The following CSMD2 variants were observed in gnomAD, a reference collection of about 807,000 sequenced individuals.
CSMD2 encodes CUB and Sushi multiple domains 2.
Under a neutral mutation model 398.5 loss-of-function variants are expected in CSMD2, and 130 were observed. The ratio of observed to expected loss-of-function variants is 0.33; its 90% CI spans 0.28 to 0.38. The LOEUF is 0.38. Among genes scored for constraint, CSMD2 ranks in the 10% least tolerant of loss-of-function variants. The probability of loss-of-function intolerance (pLI) is 1.00; values close to 1 mark genes in which losing one functional copy is unlikely to be tolerated. For synonymous variants in CSMD2, 1,828 were observed against 1,908.5 expected, an observed-to-expected ratio of 0.96 and a Z score of 1.10; for missense variants, 3,829 against 4,764.9, an observed-to-expected ratio of 0.80 and a Z score of 5.78.
intron 13 of CSMD2, among the ~76,000 whole-genome samples, chr1:33,756,421 G>A (rs1432196078): frequency 6.6e-6 from 1 of 152,146 alleles, no homozygotes; most frequent in Non-Finnish European, 1.5e-5. Context: ...ATTCTAAGAG[G>A]TGACGAAAAA....
chr1:33,537,410 G>T lies in CSMD2; in HGVS notation c.9805+26C>A, dbSNP rs774046522. The stretch of plus-strand genomic sequence containing the variant: ...GGTCTCCCGCAACCCCAGCCAAGAC[G>T]CTCCCTGCTCCAGATGACCTCTCAC... On this transcript the variant is annotated intron_variant, in intron 61 of 70. Transcript: ENST00000373381. This position sits in a 1 kb window ranked among gnomAD's most constrained non-coding sequence, Gnocchi z 4.6. The T allele has an allele frequency of 6.9e-6, 11 of 1,589,206 alleles. No homozygotes were observed. Among genetic ancestry groups the T allele is most frequent in the African/African-American group, 1.3e-5 (1 of 74,112 alleles).
intron 12 of CSMD2, among the ~76,000 whole-genome samples, chr1:33,779,682 G>A (rs754381244): frequency 6.6e-6 from 1 of 152,108 alleles, no homozygotes; most frequent in Non-Finnish European, 1.5e-5. Context: ...ACCTTCTTTC[G>A]AATCGCCCAG....
At chr1:34,023,849 G>A (rs2148122373) in intron 3 of CSMD2, among the ~76,000 whole-genome samples, 1 of 152,286 alleles carries the variant, frequency 6.6e-6, no homozygotes, top group East Asian at 1.9e-4. Flanking sequence ...ATATGGCAGA[G>A]CTCAAACTTG....
chr1:33,875,232 AAG>A (rs1167419062), intron 5 of CSMD2, among the ~76,000 whole-genome samples: 1 of 152,128 alleles, frequency 6.6e-6, no homozygotes, highest in Non-Finnish European at 1.5e-5. Context: ...GAAATGCAAA[AAG>A]AGAATGCTTC....
chr1:33,623,152 G>A (rs1211509585), intron 36 of CSMD2, among the ~76,000 whole-genome samples: 1 of 152,194 alleles, frequency 6.6e-6, no homozygotes, highest in Non-Finnish European at 1.5e-5. Context: ...ATGGGTACCT[G>A]GTTTATTTTG....
At chr1:33,846,280 G>A (rs2125076815) in intron 6 of CSMD2, among the ~76,000 whole-genome samples, 1 of 152,308 alleles carries the variant, frequency 6.6e-6, no homozygotes, top group African/African-American at 2.4e-5. Flanking sequence ...GCCATTCCTG[G>A]TCTGATCTGT....
At chr1:33,775,404 T>G (rs115469773) in intron 12 of CSMD2, among the ~76,000 whole-genome samples, 1 of 152,162 alleles carries the variant, frequency 6.6e-6, no homozygotes, top group South Asian at 2.1e-4. Flanking sequence ...TTTATCTTAA[T>G]TGCTGAGTTT....
chr1:33,536,203 A>C (rs1655757762), intron 62 of CSMD2, among the ~76,000 whole-genome samples: 1 of 152,070 alleles, frequency 6.6e-6, no homozygotes, highest in Non-Finnish European at 1.5e-5. Flanking sequence ...TGCCTTGAAC[A>C]CACCCATTCT....
At chr1:33,922,188 G>A (rs1643964957) in intron 4 of CSMD2, among the ~76,000 whole-genome samples, 1 of 152,160 alleles carries the variant, frequency 6.6e-6, no homozygotes, top group African/African-American at 2.4e-5. Context: ...CCCAGAGACT[G>A]TGAGGCAGGG....
intron 53 of CSMD2, among the ~76,000 whole-genome samples, chr1:33,567,046 A>T (rs1011872092): frequency 5.3e-5 from 8 of 152,164 alleles, no homozygotes; most frequent in Admixed American, 2.6e-4. Flanking sequence ...AGTCAATTCC[A>T]TGAAGTAGAA....
At chr1:33,721,898 G>A (rs1646370123) in intron 19 of CSMD2, among the ~76,000 whole-genome samples, 1 of 152,200 alleles carries the variant, frequency 6.6e-6, no homozygotes, top group South Asian at 2.1e-4. Flanking sequence ...ACATCTTGGG[G>A]TATATTTTTT....
At chr1:34,020,835 T>C (rs1648779558) in intron 3 of CSMD2, among the ~76,000 whole-genome samples, 1 of 152,062 alleles carries the variant, frequency 6.6e-6, no homozygotes, top group Non-Finnish European at 1.5e-5. Context: ...ATGTCGAAGG[T>C]GCTCGACAAG....
At chr1:33,619,278 C>G (rs895998117) in intron 37 of CSMD2, among the ~76,000 whole-genome samples, 23 of 152,212 alleles carry the variant, frequency 1.5e-4, no homozygotes, top group African/African-American at 5.5e-4. Context: ...AGATGGCAGC[C>G]TTGGCCCTTC....
chr1:33,952,675 TACACACAC>T (rs71740719), intron 3 of CSMD2, among the ~76,000 whole-genome samples: 294 of 148,716 alleles, frequency 2.0e-3, no homozygotes, highest in African/African-American at 6.8e-3. Flanking sequence ...TTTTGTTGTT[TACACACAC>T]ACACACACAC....
rs1168412620 is a variant in CSMD2, at chr1:33,614,508, G to T, written c.6129C>A (p.Gly2043=). ...DCSWKIALPV[G]FGAHIQFLNF... ...CTGGGGGCTGCAGAGACTTACCAAA[G>T]CCCACGGGCAGTGCTATTTTCCAGG... The change falls in exon 40 of 71, where the codon GGC becomes GGA. Residue 2043 remains glycine, a synonymous_variant. Transcript: ENST00000373381. 1.3e-6 allele frequency: 2 copies of T among 1,586,884 alleles called. No individual in the cohort carries two copies. The highest frequency in any genetic ancestry group is 1.7e-6 in the Non-Finnish European group (2 of 1,155,268).
chr1:33,620,806 CTTTTTTTTTTT>C (rs34986869), intron 37 of CSMD2, among the ~76,000 whole-genome samples: 7 of 91,924 alleles, frequency 7.6e-5, no homozygotes, highest in African/African-American at 1.8e-4. Flanking sequence ...TGTCCTGGGT[CTTTTTTTTTTT>C]TTTTTTTTTT....
In CSMD2 at chr1:34,141,463, G is replaced by A. The variant is rs911762537; in HGVS notation, c.187+23448C>T. On this transcript the variant is annotated intron_variant, in intron 1 of 70. Coordinates refer to ENST00000373381, the MANE Select transcript of CSMD2 (RefSeq NM_001281956.2). ...AAGGAAGGGATTACTGTGGATGAGGGGGTTGAGGAAACCTCTCCAAGGAGG... is the reference window on the plus strand; with the variant it reads ...AAGGAAGGGATTACTGTGGATGAGGAGGTTGAGGAAACCTCTCCAAGGAGG... 2.6e-5 allele frequency among the ~76,000 whole-genome samples: 4 copies of A among 152,156 alleles called. 1 individual carries two copies. Among genetic ancestry groups the A allele is most frequent in the African/African-American group, 2.4e-5 (1 of 41,432 alleles).
At chr1:33,608,592 G>C (rs12042324) in intron 41 of CSMD2, among the ~76,000 whole-genome samples, 5 of 152,004 alleles carry the variant, frequency 3.3e-5, no homozygotes, top group African/African-American at 1.2e-4. Context: ...CACTAGGGTG[G>C]GCTCTGATCC....
chr1:33,730,687 T>C (rs532641655), intron 15 of CSMD2, among the ~76,000 whole-genome samples: 15 of 152,216 alleles, frequency 9.9e-5, no homozygotes, highest in Non-Finnish European at 1.9e-4. Flanking sequence ...TATTACTACT[T>C]TGGGACTCTT....
Sources: allele counts gnomAD v4.1 joint callset (sites outside exome capture counted in the v4.1 genomes callset), GRCh38; gene constraint gnomAD v4.1.1; non-coding constraint Gnocchi (gnomAD v3.1); transcripts MANE v1.5; gene names NCBI Gene and HGNC (gene_info 2026-07-23, HGNC 2026-07-21).